KCNT2: variants seen among roughly 807,000 people sequenced by gnomAD.
KCNT2 encodes the protein potassium channel subfamily T member 2.
KCNT2 carries 67 observed loss-of-function variants against 153.8 expected under a neutral mutation model. That is an observed-to-expected ratio of 0.44 (90% CI 0.36 to 0.53). The LOEUF (loss-of-function observed/expected upper bound fraction) is 0.53, where lower values mean the gene tolerates loss of function less well. KCNT2 is among the 20% of genes least tolerant of loss of function. The pLI is 0.00. For synonymous variants in KCNT2, 500 were observed against 458.8 expected, an observed-to-expected ratio of 1.09 and a Z score of -1.15; for missense variants, 975 against 1,354.8, an observed-to-expected ratio of 0.72 and a Z score of 4.40.
At chr1:196,360,693 C>A (rs568332474) in intron 14 of KCNT2, among the ~76,000 whole-genome samples, 31 of 152,044 alleles carry the variant, frequency 2.0e-4, no homozygotes, top group African/African-American at 7.5e-4. Flanking sequence ...CAGAGGAAAC[C>A]CCATGTGAGG....
At chr1:196,316,552 G>A (rs1319941692) in intron 20 of KCNT2, among the ~76,000 whole-genome samples, 3 of 151,538 alleles carry the variant, frequency 2.0e-5, no homozygotes, top group Non-Finnish European at 4.4e-5. Flanking sequence ...GCTATAGATT[G>A]GTTCTACACA....
At chr1:196,483,384 T>C (rs143561760) in intron 3 of KCNT2, among the ~76,000 whole-genome samples, 53 of 152,278 alleles carry the variant, frequency 3.5e-4, no homozygotes, top group Non-Finnish European at 6.2e-4. Context: ...AACCTACCAG[T>C]GGGAACACTG....
At chr1:196,266,065 C>T (rs903572069) in intron 25 of KCNT2, among the ~76,000 whole-genome samples, 4 of 152,146 alleles carry the variant, frequency 2.6e-5, no homozygotes, top group Admixed American at 2.0e-4. Flanking sequence ...AAACTGGATA[C>T]ACAGGAGAAA....
Position 196,425,907 on chromosome 1 carries a change from G to T in KCNT2, c.1066C>A (p.Arg356=), listed in dbSNP as rs201030407. 8.7e-6 allele frequency: 14 copies of T among 1,612,350 alleles called. No homozygotes were observed. Among genetic ancestry groups the T allele is most frequent in the Admixed American group, 1.7e-5 (1 of 59,876 alleles). The change falls in exon 11 of 28, where the codon CGA becomes AGA. Residue 356 remains arginine (R), a synonymous_variant. Coordinates refer to ENST00000294725, the MANE Select transcript of KCNT2 (RefSeq NM_198503.5). ...GCTGAACCTTGAAGGTAGATAACTC[G>T]TTGGGACCACATTGGAATCTGCAGT... ...RVLQIPMWSQ[R]VIYLQGSALK...
At chr1:196,444,094 A>G (rs1310386782) in intron 8 of KCNT2, among the ~76,000 whole-genome samples, 1 of 151,432 alleles carries the variant, frequency 6.6e-6, no homozygotes, top group African/African-American at 2.4e-5. Flanking sequence ...TGCAAAAAAC[A>G]TAAGAGAGAG....
At chr1:196,476,448 C>T (rs556729886) in intron 5 of KCNT2, among the ~76,000 whole-genome samples, 10 of 152,166 alleles carry the variant, frequency 6.6e-5, no homozygotes, top group African/African-American at 2.4e-4. Flanking sequence ...ATTTATAGTG[C>T]ACCTATTTTG....
rs144727737 is a variant in KCNT2, at chr1:196,389,903, T to C, written c.1294+8660A>G. ...CTGCTGATCGCCAAGGTCATTCTAC[T>C]ATGTCTGCTCAGAGTGTGAATATCT... On this transcript the variant is annotated intron_variant, in intron 13 of 27. Transcript: ENST00000294725. 1.6e-4 allele frequency among the ~76,000 whole-genome samples: 24 copies of C among 151,784 alleles called. No homozygotes were observed. In the East Asian group the frequency reaches 4.5e-3, roughly 28 times the overall value.
chr1:196,236,833 T>C (rs576519905), intron 26 of KCNT2, among the ~76,000 whole-genome samples: 1 of 151,544 alleles, frequency 6.6e-6, no homozygotes, highest in Non-Finnish European at 1.5e-5. Flanking sequence ...GCAAACAGCT[T>C]TGTGGTCTCA....
At chr1:196,507,726 C>A (rs755549544) in intron 1 of KCNT2, among the ~76,000 whole-genome samples, 1 of 152,046 alleles carries the variant, frequency 6.6e-6, no homozygotes. Flanking sequence ...GAAAATTATG[C>A]TATAACAGCC....
At chr1:196,550,363 C>T (rs1185132030) in intron 1 of KCNT2, among the ~76,000 whole-genome samples, 2 of 151,866 alleles carry the variant, frequency 1.3e-5, no homozygotes. Context: ...TTGCTTCAAG[C>T]ACCATGTGTA....
chr1:196,345,200 T>C (rs1666039119), intron 14 of KCNT2, among the ~76,000 whole-genome samples: 1 of 151,964 alleles, frequency 6.6e-6, no homozygotes, highest in South Asian at 2.1e-4. Context: ...AAAAAGCAAA[T>C]TGTGTTGTGT....
chr1:196,236,381 A>T (rs1654438691), intron 26 of KCNT2, among the ~76,000 whole-genome samples: 1 of 151,564 alleles, frequency 6.6e-6, no homozygotes, highest in Admixed American at 6.6e-5. Flanking sequence ...ACTGGATAAG[A>T]TGTTTACTTG....
chr1:196,341,938 T>G, intron 15 of KCNT2, 141 bp downstream of exon 15: 1 of 716,876 alleles, frequency 1.4e-6, no homozygotes, highest in Non-Finnish European at 2.2e-6. Context: ...TTCAAATGTT[T>G]CAACATTGGG....
chr1:196,252,119 C>T (rs1656029388), intron 26 of KCNT2, among the ~76,000 whole-genome samples: 1 of 151,628 alleles, frequency 6.6e-6, no homozygotes, highest in African/African-American at 2.4e-5. Flanking sequence ...GTTTTATTAT[C>T]TCTTCCTTCT....
chr1:196,322,366 A>C (rs954300990), intron 19 of KCNT2, among the ~76,000 whole-genome samples: 1 of 151,900 alleles, frequency 6.6e-6, no homozygotes, highest in African/African-American at 2.4e-5. Context: ...CATGACAAAA[A>C]ATAGATCCAG....
intron 1 of KCNT2, among the ~76,000 whole-genome samples, chr1:196,501,809 C>A (rs1558014189): frequency 6.6e-6 from 1 of 152,098 alleles, no homozygotes; most frequent in East Asian, 1.9e-4. Context: ...GCCTCCTATC[C>A]ATTTTTCATT....
intron 8 of KCNT2, among the ~76,000 whole-genome samples, chr1:196,452,204 A>G (rs1676275087): frequency 6.6e-6 from 1 of 151,966 alleles, no homozygotes; most frequent in African/African-American, 2.4e-5. Context: ...AAAGCTTTTC[A>G]TGTTTCCAGT....
At chr1:196,362,051 G>C (rs1395992935) in intron 14 of KCNT2, among the ~76,000 whole-genome samples, 3 of 152,054 alleles carry the variant, frequency 2.0e-5, no homozygotes, top group Admixed American at 2.0e-4. Flanking sequence ...CTCTGTCACA[G>C]TTTTTGAGTG....
rs1679732386 is a variant in KCNT2 at position 196,489,929 on chromosome 1, T to C, written c.184A>G (p.Ile62Val). 1.3e-6 allele frequency: 2 copies of C among 1,495,846 alleles called. No homozygotes were observed. Among genetic ancestry groups the C allele is most frequent in the Non-Finnish European group, 1.8e-6 (2 of 1,102,842 alleles). The allele number at this position is 1,495,846 out of a possible 1,614,324, so 92.7% of individuals were successfully genotyped here. Residue 62 changes from isoleucine to valine, a missense_variant, in exon 3 of 28, where the codon ATA (isoleucine) becomes GTA (valine). Physicochemically the swap from Ile to Val is conservative, Grantham distance 29. Around this residue, in one of 6 missense-constraint regions of KCNT2, gnomAD observed 140 missense variants for 216.0 expected, o/e 0.65. Coordinates refer to ENST00000294725, the MANE Select transcript of KCNT2 (RefSeq NM_198503.5). The stretch of plus-strand genomic sequence containing the variant: ...TTGAGAGAAAAATTGAACAGGCGTA[T>C]CCTTAGACCTTTAAACAAATGATAA... ...FIKNQRSSLR[I>V]RLFNFSLKLL...
Sources: allele counts gnomAD v4.1 joint callset (sites outside exome capture counted in the v4.1 genomes callset), GRCh38; gene constraint gnomAD v4.1.1; regional missense constraint gnomAD v4.1.1; transcripts MANE v1.5; gene names NCBI Gene and HGNC (gene_info 2026-07-23, HGNC 2026-07-21).